PDE1C: variants seen among roughly 807,000 people sequenced by gnomAD.
PDE1C encodes dual specificity calcium/calmodulin-dependent 3',5'-cyclic nucleotide phosphodiesterase 1C.
Under a neutral mutation model 93.1 loss-of-function variants are expected in PDE1C, and 62 were observed. That is an observed-to-expected ratio of 0.67 (90% CI 0.54 to 0.82). The LOEUF (loss-of-function observed/expected upper bound fraction) is 0.82. PDE1C is among the 40% of genes least tolerant of loss of function. The pLI is 0.00. For synonymous variants in PDE1C, 325 were observed against 310.1 expected, an observed-to-expected ratio of 1.05 and a Z score of -0.50; for missense variants, 742 against 884.6, an observed-to-expected ratio of 0.84 and a Z score of 2.04.
intron 7 of PDE1C, among the ~76,000 whole-genome samples, chr7:31,853,109 A>G (rs1345754789): frequency 6.6e-6 from 1 of 152,088 alleles, no homozygotes; most frequent in African/African-American, 2.4e-5. Context: ...TCACATTACA[A>G]CCATAGTGAT....
intron 11 of PDE1C, among the ~76,000 whole-genome samples, chr7:31,833,749 T>C (rs549856210): frequency 3.3e-5 from 5 of 152,302 alleles, no homozygotes; most frequent in Non-Finnish European, 5.9e-5. Context: ...TGGGTGCTGT[T>C]AAAAGCATTC....
intron 1 of PDE1C, among the ~76,000 whole-genome samples, chr7:32,421,125 T>A (rs1361366385): frequency 6.6e-6 from 1 of 152,074 alleles, no homozygotes; most frequent in African/African-American, 2.4e-5. Flanking sequence ...CTAGGTTGAA[T>A]AATTTGAGTA....
intron 2 of PDE1C, among the ~76,000 whole-genome samples, chr7:31,986,903 C>T (rs1009139230): frequency 2.0e-5 from 3 of 151,118 alleles, no homozygotes; most frequent in African/African-American, 7.3e-5. Context: ...TAGTCTATAA[C>T]ACTTATAGAG....
chr7:32,094,690 T>C (rs1005465888), intron 3 of PDE1C, among the ~76,000 whole-genome samples: 8 of 152,172 alleles, frequency 5.3e-5, no homozygotes, highest in South Asian at 2.1e-4. Context: ...AGTCCAGCGG[T>C]CCATTCAGCA....
intron 2 of PDE1C, among the ~76,000 whole-genome samples, chr7:32,205,257 C>T (rs1346547952): frequency 6.6e-6 from 1 of 152,180 alleles, no homozygotes; most frequent in African/African-American, 2.4e-5. Flanking sequence ...TCAGTGACCA[C>T]GTCACATGTT....
chr7:32,185,247 G>GAAAAAAA (rs60570476), intron 2 of PDE1C, among the ~76,000 whole-genome samples: 1 of 101,580 alleles, frequency 9.8e-6, no homozygotes, highest in Non-Finnish European at 2.1e-5. Flanking sequence ...CTCTGTCTCA[G>GAAAAAAA]AAAAAAAAAA....
chr7:31,705,447 C>A, the PDE1C span, among the ~76,000 whole-genome samples: 2 of 151,440 alleles, frequency 1.3e-5, no homozygotes, highest in African/African-American at 2.4e-5. Context: ...AATCTCTGTG[C>A]AGCTGGTGTA....
At chr7:31,695,427 T>A in the PDE1C span, 4 of 1,541,258 alleles carry the variant, frequency 2.6e-6, no homozygotes, top group Non-Finnish European at 8.8e-7. Context: ...GGATCCTTAA[T>A]CATGTTATAT....
At chr7:32,145,795 T>C (rs1321868003) in intron 3 of PDE1C, among the ~76,000 whole-genome samples, 1 of 152,152 alleles carries the variant, frequency 6.6e-6, no homozygotes, top group African/African-American at 2.4e-5. Context: ...CATATCAGAC[T>C]GAATGAATTG....
intron 2 of PDE1C, among the ~76,000 whole-genome samples, chr7:32,186,669 A>G (rs1803906721): frequency 6.6e-6 from 1 of 152,236 alleles, no homozygotes; most frequent in East Asian, 1.9e-4. Flanking sequence ...ATGTAATAAT[A>G]TTACATATTA....
intron 2 of PDE1C, among the ~76,000 whole-genome samples, chr7:31,930,864 A>G (rs1194618803): frequency 6.7e-6 from 1 of 149,308 alleles, no homozygotes; most frequent in East Asian, 1.9e-4. Context: ...AAAAAAAAAA[A>G]AAAAAAAAAA....
chr7:32,066,187 C>T (rs1056260163), intron 1 of PDE1C, among the ~76,000 whole-genome samples: 2 of 152,166 alleles, frequency 1.3e-5, no homozygotes, highest in Non-Finnish European at 2.9e-5. Context: ...CTACTTGAAA[C>T]CAACTTTTAT....
intron 2 of PDE1C, among the ~76,000 whole-genome samples, chr7:32,033,568 G>A (rs1790626959): frequency 6.6e-6 from 1 of 152,046 alleles, no homozygotes; most frequent in Admixed American, 6.6e-5. Context: ...TGGTTCCCGA[G>A]CACAGTCAGC....
chr7:32,162,886 A>T (rs546362975), intron 3 of PDE1C, among the ~76,000 whole-genome samples: 1 of 152,254 alleles, frequency 6.6e-6, no homozygotes, highest in Admixed American at 6.5e-5. Context: ...AGAATGCAAG[A>T]GGAATGGTGT....
intron 1 of PDE1C, among the ~76,000 whole-genome samples, chr7:32,236,723 A>G (rs1808109134): frequency 6.6e-6 from 1 of 152,252 alleles, no homozygotes; most frequent in Admixed American, 6.5e-5. Context: ...AATGCAAAAT[A>G]GTACAGCCAC....
chr7:31,962,611 G>C (rs183449741), intron 2 of PDE1C, among the ~76,000 whole-genome samples: 128 of 152,308 alleles, frequency 8.4e-4, no homozygotes, highest in South Asian at 1.7e-3. Context: ...TCTAGAGAAG[G>C]CTTCAGCAGG....
Position 31,850,662 on chromosome 7 carries a change from T to G in PDE1C, c.830A>C (p.Asn277Thr), listed in dbSNP as rs779483130. 1.9e-6 allele frequency: 3 copies of G among 1,612,880 alleles called. No individual in the cohort carries two copies. The highest frequency in any genetic ancestry group is 2.5e-6 in the Non-Finnish European group (3 of 1,178,930). ...TCACCGAGTCTGAATGTGGAAATTG[T>G]TGGTGGTTCCGGTATGCTCGTAGTC... ...IHDYEHTGTT[N>T]NFHIQTRSDP... Residue 277 changes from asparagine to threonine, a missense_variant, in exon 8 of 18, where the codon AAC (asparagine) becomes ACC (threonine). Physicochemically the swap from Asn to Thr is moderately conservative, Grantham distance 65. Transcript: ENST00000396191.
chr7:32,013,541 G>C (rs1184609585), intron 2 of PDE1C, among the ~76,000 whole-genome samples: 1 of 152,152 alleles, frequency 6.6e-6, no homozygotes, highest in East Asian at 1.9e-4. Flanking sequence ...TGATTGGCTA[G>C]CAACTTAGAA....
At chr7:32,077,966 A>G in intron 3 of PDE1C, 1 of 985,418 alleles carries the variant, frequency 1.0e-6, no homozygotes, top group African/African-American at 1.7e-5. Flanking sequence ...GCAGCAAGAC[A>G]GTGCAGGCCT....
Sources: gnomAD v4.1 joint callset for allele counts (sites outside exome capture counted in the v4.1 genomes callset) on GRCh38, gnomAD v4.1.1 for gene constraint, MANE v1.5 for transcripts, NCBI Gene and HGNC (gene_info 2026-07-23, HGNC 2026-07-21) for gene names.